The following USP22 variants were observed in gnomAD, a reference collection of about 807,000 sequenced individuals.
USP22 encodes ubiquitin carboxyl-terminal hydrolase 22.
USP22 carries 22 observed loss-of-function variants against 68.1 expected under a neutral mutation model. The ratio of observed to expected loss-of-function variants is 0.32; its 90% CI spans 0.23 to 0.46. The LOEUF (loss-of-function observed/expected upper bound fraction) is 0.46. USP22 is among the 20% of genes least tolerant of loss of function. USP22 has a pLI of 1.00. For missense variants in USP22, 433 were observed against 695.8 expected, an observed-to-expected ratio of 0.62 and a Z score of 4.25; for synonymous variants, 279 against 274.2, an observed-to-expected ratio of 1.02 and a Z score of -0.17.
At chr17:21,008,043 A>C in intron 8 of USP22, 47 bp from the exon 9 acceptor site, 1 of 1,589,562 alleles carries the variant, frequency 6.3e-7, no homozygotes, top group South Asian at 1.1e-5. Context: ...GATGCAAGAG[A>C]CAGAAAAATG....
chr17:21,041,459 G>T (rs532256377), intron 1 of USP22, among the ~76,000 whole-genome samples: 1 of 151,972 alleles, frequency 6.6e-6, no homozygotes, highest in African/African-American at 2.4e-5. Flanking sequence ...TTAGCCGGGC[G>T]TGGTAGCAGG....
chr17:21,008,925 G>A (rs62056832), intron 8 of USP22, among the ~76,000 whole-genome samples: 25,865 of 151,670 alleles, frequency 0.17, 2,766 homozygotes, highest in South Asian at 0.25. Flanking sequence ...AATTCCGTCT[G>A]TACTAAAAAT....
At chr17:21,018,279 A>T in intron 4 of USP22, 168 bp from the exon 5 acceptor site, 1 of 612,834 alleles carries the variant, frequency 1.6e-6, no homozygotes, top group South Asian at 2.3e-5. Flanking sequence ...CCACTTTTAC[A>T]TGAACGGTAT....
In USP22 at chr17:21,042,938, G is replaced by A; in HGVS notation, c.-103C>T. ...TCGGCGGCTGGCCAGGCTGGCCAAGGCCCGGGCGCCGAGAACAAAGCGCGG... is the reference window on the plus strand; with the variant it reads ...TCGGCGGCTGGCCAGGCTGGCCAAGACCCGGGCGCCGAGAACAAAGCGCGG... On this transcript the variant is annotated 5_prime_UTR_variant, in exon 1 of 13. Coordinates refer to ENST00000261497, the MANE Select transcript of USP22 (RefSeq NM_015276.2). 2.7e-6 allele frequency: 2 copies of A among 751,874 alleles called. No homozygotes were observed. Among genetic ancestry groups the A allele is most frequent in the Non-Finnish European group, 3.6e-6 (2 of 562,494 alleles). The allele number at this position is 751,874 out of a possible 1,614,324, so 46.6% of individuals were successfully genotyped here.
At chr17:21,037,754 G>C (rs938908458) in intron 1 of USP22, among the ~76,000 whole-genome samples, 3 of 152,190 alleles carry the variant, frequency 2.0e-5, no homozygotes, top group Admixed American at 6.5e-5. Flanking sequence ...TGTAGTTAAT[G>C]AACTAAATAC....
Position 21,004,446 on chromosome 17 carries a change from C to T in USP22, c.1386-95G>A, listed in dbSNP as rs943759618. 2.5e-5 allele frequency: 37 copies of T among 1,503,692 alleles called. 1 individual carries two copies. The South Asian group carries it at 4.1e-4, about 17-fold the overall frequency. The allele number at this position is 1,503,692 out of a possible 1,614,324, so 93.1% of individuals were successfully genotyped here. On this transcript the variant is annotated intron_variant, in intron 11 of 12. Transcript: ENST00000261497. Reference sequence around the variant, plus strand: ...GAAACCAGGCAGCCCAGGCAGGGAGCGGGAGGCCTGTGGGCCTGTCAACCC... The same window carrying T: ...GAAACCAGGCAGCCCAGGCAGGGAGTGGGAGGCCTGTGGGCCTGTCAACCC...
chr17:21,006,357 T>C (rs1020276762), intron 10 of USP22, among the ~76,000 whole-genome samples: 4 of 151,112 alleles, frequency 2.6e-5, no homozygotes, highest in Admixed American at 2.6e-4. Flanking sequence ...CTTGAGGACT[T>C]TGCCGGTTTG....
chr17:21,033,115 C>T (rs1435122854), intron 1 of USP22, among the ~76,000 whole-genome samples: 4 of 151,992 alleles, frequency 2.6e-5, no homozygotes, highest in African/African-American at 4.8e-5. Flanking sequence ...GTTTAAGCAG[C>T]CCAGCACACC....
At chr17:21,009,416 C>A (rs1023452002) in intron 8 of USP22, among the ~76,000 whole-genome samples, 18 of 152,118 alleles carry the variant, frequency 1.2e-4, no homozygotes, top group Non-Finnish European at 2.1e-4. Context: ...TTGTGATCTG[C>A]TCTCCAAAGG....
chr17:21,022,681 C>T (rs1972171119), intron 2 of USP22, among the ~76,000 whole-genome samples: 1 of 152,076 alleles, frequency 6.6e-6, no homozygotes, highest in Non-Finnish European at 1.5e-5. Context: ...CACCTATAGT[C>T]CCAGCTACTC....
intron 2 of USP22, among the ~76,000 whole-genome samples, chr17:21,023,568 C>G (rs1246226846): frequency 6.7e-6 from 1 of 148,408 alleles, no homozygotes; most frequent in Non-Finnish European, 1.5e-5. Flanking sequence ...TGGCTTGAGC[C>G]CGGAAGGCAG....
chr17:21,004,777 C>T, intron 11 of USP22, 151 bp downstream of exon 11: 1 of 87,220 alleles, frequency 1.1e-5, no homozygotes, highest in Non-Finnish European at 3.2e-5. Context: ...CCTAGTGGAG[C>T]TGCGGGCAGC....
chr17:21,033,193 A>G (rs561775251), intron 1 of USP22, among the ~76,000 whole-genome samples: 1 of 152,208 alleles, frequency 6.6e-6, no homozygotes, highest in Admixed American at 6.5e-5. Context: ...TAGAAATTCA[A>G]CCTAGAATCT....
chr17:21,010,336 GT>G (rs1451176948), intron 8 of USP22, among the ~76,000 whole-genome samples: 1 of 152,178 alleles, frequency 6.6e-6, no homozygotes. Flanking sequence ...TTTTAGGAAG[GT>G]TTTCTGCTGT....
intron 1 of USP22, among the ~76,000 whole-genome samples, chr17:21,038,962 C>CT (rs1049604921): frequency 3.8e-4 from 57 of 150,976 alleles, no homozygotes; most frequent in East Asian, 1.8e-3. Context: ...TAGTTTTTTT[C>CT]TTTTTTTTTG....
Position 21,028,431 on chromosome 17 carries a change from T to C in USP22, c.304+111A>G. On this transcript the variant is annotated intron_variant, in intron 2 of 12. Coordinates refer to ENST00000261497, the MANE Select transcript of USP22 (RefSeq NM_015276.2). ...TCACCAGTGAGGGGCACGCATTACTTGAGACAAACGACAAAGTGGACTTTT... is the reference window on the plus strand; with the variant it reads ...TCACCAGTGAGGGGCACGCATTACTCGAGACAAACGACAAAGTGGACTTTT... 3 of 1,513,984 alleles carry C rather than the reference T, an allele frequency of 2.0e-6. No individual in the cohort carries two copies. In the Admixed American group the frequency reaches 5.5e-5, roughly 28 times the overall value. 93.8% of individuals were successfully genotyped at this position (1,513,984 alleles called of 1,614,324 possible).
intron 1 of USP22, among the ~76,000 whole-genome samples, chr17:21,042,453 G>A (rs965596575): frequency 2.1e-5 from 3 of 140,924 alleles, no homozygotes; most frequent in Non-Finnish European, 4.6e-5. Flanking sequence ...AGGATAGGAA[G>A]ATGAGGAGAT....
intron 1 of USP22, among the ~76,000 whole-genome samples, chr17:21,039,930 C>A (rs983109240): frequency 6.6e-6 from 1 of 152,154 alleles, no homozygotes; most frequent in South Asian, 2.1e-4. Flanking sequence ...TATGGCTGGG[C>A]TCAGTGGCTC....
At chr17:21,008,547 A>G (rs1056499057) in intron 8 of USP22, among the ~76,000 whole-genome samples, 6 of 152,142 alleles carry the variant, frequency 3.9e-5, no homozygotes, top group Admixed American at 6.5e-5. Flanking sequence ...AGTTGACATG[A>G]CATTCTGGAA....
Sources: gnomAD v4.1 joint callset for allele counts (sites outside exome capture counted in the v4.1 genomes callset) on GRCh38, gnomAD v4.1.1 for gene constraint, MANE v1.5 for transcripts, NCBI Gene and HGNC (gene_info 2026-07-23, HGNC 2026-07-21) for gene names.